The following PTPRD variants were observed in gnomAD, a reference collection of about 807,000 sequenced individuals.
PTPRD encodes protein tyrosine phosphatase receptor type D, also known as receptor-type tyrosine-protein phosphatase delta.
Under a neutral mutation model 214.5 loss-of-function variants are expected in PTPRD, and 34 were observed. The observed-to-expected ratio is 0.16, with a 90% confidence interval of 0.12 to 0.21. The LOEUF (loss-of-function observed/expected upper bound fraction) is 0.21. Among genes scored for constraint, PTPRD ranks in the 10% least tolerant of loss-of-function variants. The pLI, the probability that PTPRD is intolerant of heterozygous loss-of-function variation, is 1.00. For synonymous variants in PTPRD, 1,128 were observed against 845.7 expected, an observed-to-expected ratio of 1.33 and a Z score of -5.79; for missense variants, 2,545 against 2,398.7, an observed-to-expected ratio of 1.06 and a Z score of -1.27.
At chr9:8,459,791 G>A (rs1253868454) in intron 33 of PTPRD, among the ~76,000 whole-genome samples, 1 of 152,068 alleles carries the variant, frequency 6.6e-6, no homozygotes, top group East Asian at 1.9e-4. Flanking sequence ...AAGGAAAATA[G>A]TACCTTGGCA....
intron 11 of PTPRD, among the ~76,000 whole-genome samples, chr9:9,009,671 G>C (rs2099499790): frequency 6.6e-6 from 1 of 152,018 alleles, no homozygotes; most frequent in South Asian, 2.1e-4. Flanking sequence ...TTTAGATGTA[G>C]ATGACATTGG....
intron 7 of PTPRD, among the ~76,000 whole-genome samples, chr9:9,701,804 T>TA (rs1211649419): frequency 1.3e-5 from 2 of 152,144 alleles, no homozygotes; most frequent in African/African-American, 4.8e-5. Flanking sequence ...GCTTTCTATA[T>TA]AAACTGATAA....
rs1567099510 is a variant in PTPRD at position 8,934,468 on chromosome 9, TATATATATAAATATATATATATATAA to T, written c.-104+84203_-104+84228del. On this transcript the variant is annotated intron_variant, in intron 11 of 45. Transcript: ENST00000381196. ...ATATAAATTTATATATATATAAATA[TATATATATAAATATATATATATATAA>T]ATATATATATAAATATATATATATA... is the stretch of plus-strand genomic sequence containing the variant. 8.1e-4 allele frequency among the ~76,000 whole-genome samples: 15 copies of T among 18,524 alleles called. 4 individuals carry two copies. The South Asian group carries it at 8.7e-3, about 11-fold the overall frequency. 12.2% of individuals were successfully genotyped at this position (18,524 alleles called of 152,430 possible). A position where few individuals can be genotyped will look rare whatever the true frequency, so the allele number is the denominator to read the frequency against.
chr9:10,124,584 G>A (rs10958890), intron 3 of PTPRD, among the ~76,000 whole-genome samples: 17,661 of 151,964 alleles, frequency 0.12, 1,134 homozygotes, highest in South Asian at 0.27. Flanking sequence ...TTCTTATCAA[G>A]CCATATATAT....
At chr9:9,086,975 T>A (rs2154428144) in intron 10 of PTPRD, among the ~76,000 whole-genome samples, 1 of 152,242 alleles carries the variant, frequency 6.6e-6, no homozygotes, top group South Asian at 2.1e-4. Context: ...TGAAAAACAG[T>A]CATCATGGCT....
intron 3 of PTPRD, among the ~76,000 whole-genome samples, chr9:10,291,832 G>A (rs917431960): frequency 6.6e-6 from 1 of 152,020 alleles, no homozygotes; most frequent in Non-Finnish European, 1.5e-5. Flanking sequence ...TAATGGAGAC[G>A]TAAAGAAAAT....
intron 4 of PTPRD, among the ~76,000 whole-genome samples, chr9:10,023,303 AGGGCTTCCATTG>A (rs1589126017): frequency 6.6e-6 from 1 of 152,196 alleles, no homozygotes; most frequent in African/African-American, 2.4e-5. Context: ...TGGAGAATTC[AGGGCTTCCATTG>A]GGAAAGGAAC....
chr9:9,637,541 CCT>C (rs1319451432), intron 7 of PTPRD, among the ~76,000 whole-genome samples: 1 of 152,228 alleles, frequency 6.6e-6, no homozygotes, highest in African/African-American at 2.4e-5. Context: ...TACACACCTT[CCT>C]GGTACACTGG....
At chr9:8,707,430 C>A (rs2098233361) in intron 12 of PTPRD, among the ~76,000 whole-genome samples, 1 of 152,180 alleles carries the variant, frequency 6.6e-6, no homozygotes, top group Non-Finnish European at 1.5e-5. Context: ...TTCAGAGTAA[C>A]CATGTAAAAA....
chr9:8,505,740 G>C (rs1209594300), intron 22 of PTPRD, among the ~76,000 whole-genome samples: 2 of 151,382 alleles, frequency 1.3e-5, no homozygotes, highest in Non-Finnish European at 2.9e-5. Context: ...AGGAATTTTA[G>C]ATCCACCAAG....
At chr9:9,177,283 C>A (rs1183213163) in intron 10 of PTPRD, among the ~76,000 whole-genome samples, 2 of 151,928 alleles carry the variant, frequency 1.3e-5, no homozygotes, top group East Asian at 3.9e-4. Context: ...AAACTGCCCC[C>A]ATGATTCAAT....
rs118187880 is a variant in PTPRD at position 9,106,031 on chromosome 9, G to C, written c.-143+77273C>G. 4.9e-3 allele frequency among the ~76,000 whole-genome samples: 752 copies of C among 152,188 alleles called. 6 individuals carry two copies. Among genetic ancestry groups the C allele is most frequent in the African/African-American group, 0.017 (712 of 41,518 alleles). ...CTCTAGGACATCATAATTAGAAAAG[G>C]GGGGGTCGATGGCTGAGATACCTGG... On this transcript the variant is annotated intron_variant, in intron 10 of 45. Transcript: ENST00000381196.
chr9:10,179,785 A>G (rs1265673744), intron 3 of PTPRD, among the ~76,000 whole-genome samples: 5 of 152,098 alleles, frequency 3.3e-5, no homozygotes, highest in Admixed American at 1.3e-4. Flanking sequence ...CAACCTAGCC[A>G]GTCTGGCTAA....
intron 3 of PTPRD, among the ~76,000 whole-genome samples, chr9:10,090,384 G>T (rs1263591205): frequency 6.6e-6 from 1 of 151,242 alleles, no homozygotes; most frequent in Admixed American, 6.6e-5. Flanking sequence ...AATTATTCAG[G>T]TCTCAAACAC....
intron 10 of PTPRD, among the ~76,000 whole-genome samples, chr9:9,142,009 C>T (rs765807258): frequency 2.6e-5 from 4 of 152,144 alleles, no homozygotes; most frequent in South Asian, 4.1e-4. Flanking sequence ...ATCCTTATAG[C>T]GATTATCTTA....
At chr9:8,340,495 G>A (rs2132374061) in intron 41 of PTPRD, 26 bp from the exon 42 acceptor site, 1 of 1,536,638 alleles carries the variant, frequency 6.5e-7, no homozygotes, top group Non-Finnish European at 8.9e-7. Context: ...TGAAAAGAAT[G>A]TGTTAAAGTA....
intron 5 of PTPRD, among the ~76,000 whole-genome samples, chr9:9,792,257 A>G (rs1163542135): frequency 6.6e-6 from 1 of 152,124 alleles, no homozygotes; most frequent in Non-Finnish European, 1.5e-5. Context: ...ATGTTATTTA[A>G]TGCTGTTTCA....
chr9:10,270,753 T>C (rs748671967), intron 3 of PTPRD, among the ~76,000 whole-genome samples: 10 of 152,218 alleles, frequency 6.6e-5, no homozygotes, highest in Admixed American at 2.6e-4. Context: ...AACTAGAATA[T>C]AGACTATTTT....
intron 7 of PTPRD, among the ~76,000 whole-genome samples, chr9:9,678,307 G>C (rs1471559142): frequency 6.6e-6 from 1 of 152,050 alleles, no homozygotes; most frequent in Non-Finnish European, 1.5e-5. Context: ...CATGCTACCT[G>C]ACTTCAAACT....
Sources: allele counts gnomAD v4.1 joint callset (sites outside exome capture counted in the v4.1 genomes callset), GRCh38; gene constraint gnomAD v4.1.1; transcripts MANE v1.5; gene names NCBI Gene and HGNC (gene_info 2026-07-23, HGNC 2026-07-21).